RHOBTB3: variants seen among roughly 807,000 people sequenced by gnomAD.
The protein encoded by RHOBTB3 is rho-related BTB domain-containing protein 3.
A neutral mutation model predicts 67.2 loss-of-function variants in RHOBTB3; 47 were observed. The ratio of observed to expected loss-of-function variants is 0.70; its 90% CI spans 0.55 to 0.89. RHOBTB3 has a LOEUF of 0.89. Among genes scored for constraint, RHOBTB3 ranks in the 40% least tolerant of loss-of-function variants. The pLI, the probability that RHOBTB3 is intolerant of heterozygous loss-of-function variation, is 0.00. For missense variants in RHOBTB3, 631 were observed against 750.0 expected, an observed-to-expected ratio of 0.84 and a Z score of 1.85; for synonymous variants, 273 against 274.2, an observed-to-expected ratio of 1.00 and a Z score of 0.04.
intron 10 of RHOBTB3, among the ~76,000 whole-genome samples, chr5:95,784,980 T>G (rs1019503365): frequency 6.6e-6 from 1 of 152,224 alleles, no homozygotes; most frequent in African/African-American, 2.4e-5. Flanking sequence ...TCAGTACTTC[T>G]TGAACTATTA....
chr5:95,731,750 G>A, intron 1 of RHOBTB3, 66 bp downstream of exon 1: 3 of 1,609,862 alleles, frequency 1.9e-6, no homozygotes, highest in East Asian at 4.5e-5. Context: ...CAGGGACAGG[G>A]GCTGGTGCCC....
In RHOBTB3 at chr5:95,760,068, C is replaced by T. The variant is rs117000553; in HGVS notation, c.1049-3440C>T. Among the ~76,000 whole-genome samples, 26 of 151,736 alleles carry T rather than the reference C, an allele frequency of 1.7e-4. No homozygotes were observed. In the East Asian group the frequency reaches 4.6e-3, roughly 27 times the overall value. On this transcript the variant is annotated intron_variant, in intron 6 of 11. Transcript: ENST00000379982. ...GTTATGTCACCATGAACATTTGGTT[C>T]GTTATTTAGGAGCGACCTGTTTAAC...
At chr5:95,725,808 C>CT (rs201325391) in intron 1 of RHOBTB3, among the ~76,000 whole-genome samples, 10,295 of 139,760 alleles carry the variant, frequency 0.074, 459 homozygotes, top group East Asian at 0.22. Flanking sequence ...TGGAATTCTT[C>CT]TTTTTTTTTT....
At chr5:95,728,801 A>G (rs556089301), upstream of RHOBTB3, among the ~76,000 whole-genome samples, 4 of 152,334 alleles carry the variant, frequency 2.6e-5, no homozygotes, top group East Asian at 7.7e-4. Context: ...GATACAGGTC[A>G]CAAAGACCTT....
At chr5:95,718,048 T>C (rs755489970) in intron 1 of RHOBTB3, among the ~76,000 whole-genome samples, 5 of 152,250 alleles carry the variant, frequency 3.3e-5, no homozygotes, top group Non-Finnish European at 7.3e-5. Context: ...AGCAATTTTG[T>C]AGCATTTAAA....
chr5:95,731,417 C>A lies in RHOBTB3; in HGVS notation c.-266C>A. 8.4e-7 allele frequency: 1 copy of A among 1,189,522 alleles called. No homozygotes were observed. Among genetic ancestry groups the A allele is most frequent in the East Asian group, 3.9e-5 (1 of 25,724 alleles). The allele number at this position is 1,189,522 out of a possible 1,614,324, so 73.7% of individuals were successfully genotyped here. ...GCTGCGTCCACTTGGGGCTGTGCGG[C>A]GGTCCCGCGCCCGGCGATGTTCCCG... On this transcript the variant is annotated 5_prime_UTR_variant, in exon 1 of 12. Coordinates refer to ENST00000379982, the MANE Select transcript of RHOBTB3 (RefSeq NM_014899.4).
chr5:95,764,305 C>T (rs1745481161), intron 7 of RHOBTB3, among the ~76,000 whole-genome samples: 2 of 152,156 alleles, frequency 1.3e-5, no homozygotes, highest in Admixed American at 6.5e-5. Flanking sequence ...TCACTCCTCA[C>T]AATTTAAGTC....
chr5:95,792,983 G>T, intron 11 of RHOBTB3, 76 bp from the exon 12 acceptor site: 1 of 987,050 alleles, frequency 1.0e-6, no homozygotes. Flanking sequence ...CTATTAAAGA[G>T]GAAATCAATA....
In RHOBTB3 at chr5:95,788,870, A is replaced by T; in HGVS notation, c.1720+12A>T. ...TCAGGATCTTTCAGGTAGATTGCTA[A>T]TTTCTGTTTTGAAAAGAAAACTTTA... On this transcript the variant is annotated intron_variant, in intron 11 of 11. Transcript: ENST00000379982. 6.8e-7 allele frequency: 1 copy of T among 1,472,208 alleles called. No homozygotes were observed. The highest frequency in any genetic ancestry group is 1.3e-5 in the South Asian group (1 of 74,446). 91.2% of individuals were successfully genotyped at this position (1,472,208 alleles called of 1,614,324 possible).
intron 3 of RHOBTB3, among the ~76,000 whole-genome samples, chr5:95,745,837 C>T (rs570413968): frequency 1.3e-5 from 2 of 152,068 alleles, no homozygotes; most frequent in East Asian, 1.9e-4. Context: ...AATTTAGAAT[C>T]GGTTCTACTG....
At chr5:95,743,862 C>T (rs1053070142) in intron 3 of RHOBTB3, among the ~76,000 whole-genome samples, 38 of 151,932 alleles carry the variant, frequency 2.5e-4, no homozygotes, top group African/African-American at 8.9e-4. Context: ...GTATGAACCA[C>T]CATGCCTGGG....
Position 95,743,713 on chromosome 5 carries a change from A to ATT in RHOBTB3, c.416-4606_416-4605dup, listed in dbSNP as rs746240058. Among the ~76,000 whole-genome samples the ATT allele has an allele frequency of 2.4e-3, 199 of 84,118 alleles. 1 individual carries two copies. The highest frequency in any genetic ancestry group is 5.2e-3 in the African/African-American group (105 of 20,034). The allele number at this position is 84,118 out of a possible 152,430, so 55.2% of individuals were successfully genotyped here. A position where few individuals can be genotyped will look rare whatever the true frequency, so the allele number is the denominator to read the frequency against. ...TCCCTCCCTTCTTCTCCTCCCCCCCATTTTTTTTTTTTTTTGAGACAGCAT... is the reference window on the plus strand; with the variant it reads ...TCCCTCCCTTCTTCTCCTCCCCCCCATTTTTTTTTTTTTTTTTGAGACAGCAT... On this transcript the variant is annotated intron_variant, in intron 3 of 11. Transcript: ENST00000379982.
chr5:95,774,445 A>C (rs1745809474), intron 8 of RHOBTB3, among the ~76,000 whole-genome samples: 1 of 152,152 alleles, frequency 6.6e-6, no homozygotes, highest in South Asian at 2.1e-4. Context: ...CCTTGTTAAC[A>C]TTTTTAATGT....
intron 3 of RHOBTB3, among the ~76,000 whole-genome samples, chr5:95,740,057 T>G (rs1254083265): frequency 6.6e-6 from 1 of 152,172 alleles, no homozygotes; most frequent in African/African-American, 2.4e-5. Context: ...TCCTGTGCTA[T>G]TCTCATGATA....
At chr5:95,787,503 T>A (rs1746258255) in intron 10 of RHOBTB3, among the ~76,000 whole-genome samples, 1 of 151,880 alleles carries the variant, frequency 6.6e-6, no homozygotes, top group African/African-American at 2.4e-5. Flanking sequence ...GGTTTAGAGA[T>A]TACTAATCTT....
chr5:95,778,772 G>A (rs1745965395), intron 8 of RHOBTB3, among the ~76,000 whole-genome samples: 1 of 152,174 alleles, frequency 6.6e-6, no homozygotes, highest in Admixed American at 6.5e-5. Flanking sequence ...ATTAACTGCT[G>A]TATACAAATA....
At chr5:95,731,210 G>A (rs905533278), upstream of RHOBTB3, 41 of 1,001,794 alleles carry the variant, frequency 4.1e-5, no homozygotes, top group Non-Finnish European at 4.9e-5. Context: ...CGCGGGGAGC[G>A]CGTCCCCCGC....
chr5:95,744,939 T>C (rs1744827714), intron 3 of RHOBTB3, among the ~76,000 whole-genome samples: 1 of 151,640 alleles, frequency 6.6e-6, no homozygotes, highest in Non-Finnish European at 1.5e-5. Context: ...GGTGTGGTGA[T>C]GCACACCAGT....
chr5:95,770,545 G>T, intron 8 of RHOBTB3: 1 of 394,800 alleles, frequency 2.5e-6, no homozygotes, highest in South Asian at 2.4e-5. Flanking sequence ...TGAATATGGT[G>T]GAAGAGGAAT....
Sources: gnomAD v4.1 joint callset for allele counts (sites outside exome capture counted in the v4.1 genomes callset) on GRCh38, gnomAD v4.1.1 for gene constraint, MANE v1.5 for transcripts, NCBI Gene and HGNC (gene_info 2026-07-23, HGNC 2026-07-21) for gene names.